BTN3A2: variants seen among roughly 807,000 people sequenced by gnomAD.
The protein encoded by BTN3A2 is butyrophilin subfamily 3 member A2.
A neutral mutation model predicts 37.6 loss-of-function variants in BTN3A2; 25 were observed. The ratio of observed to expected loss-of-function variants is 0.66; its 90% confidence interval spans 0.48 to 0.93. BTN3A2 has a LOEUF of 0.93. BTN3A2 is among the 40% of genes least tolerant of loss of function. The probability of loss-of-function intolerance (pLI) is 0.00; values close to 1 mark genes in which losing one functional copy is unlikely to be tolerated. For synonymous variants in BTN3A2, 122 were observed against 159.4 expected (o/e 0.77, Z 1.77); for missense variants, 266 against 410.9 (o/e 0.65, Z 3.05).
chr6:26,377,757 C>T lies in BTN3A2; in HGVS notation c.*1995C>T, dbSNP rs546540325. The T allele has an allele frequency of 6.1e-6, 1 of 164,704 alleles. No individual in the cohort carries two copies. Among genetic ancestry groups the T allele is most frequent in the African/African-American group, 2.4e-5 (1 of 41,712 alleles). The allele number at this position is 164,704 out of a possible 1,614,324, so 10.2% of individuals were successfully genotyped here. A position where few individuals can be genotyped will look rare whatever the true frequency, so the allele number is the denominator to read the frequency against. On this transcript the variant is annotated 3_prime_UTR_variant, in exon 11 of 11. Transcript: ENST00000377708. ...TCCCTTCCCAGGACAGCTCCAGGAT[C>T]GAGATCACTGTGAGTGGTTGTGGAG...
chr6:26,365,516 G>GTGTA (rs70977273), intron 1 of BTN3A2, among the ~76,000 whole-genome samples, 164 bp downstream of exon 1: 1 of 138,758 alleles, frequency 7.2e-6, no homozygotes, highest in African/African-American at 2.6e-5. Flanking sequence ...GTGTGTGTGT[G>GTGTA]TACATGTGTA....
Position 26,376,096 on chromosome 6 carries a change from C to T in BTN3A2, c.*334C>T. On this transcript the variant is annotated 3_prime_UTR_variant, in exon 11 of 11. Transcript: ENST00000377708. ...GGCATGGTGACGGGCACCTGTAGTC[C>T]CAGCTACTCGGGAGGCTGAGGCAGG... 1 of 308,342 alleles carries T rather than the reference C, an allele frequency of 3.2e-6. No homozygotes were observed. Among genetic ancestry groups the T allele is most frequent in the Non-Finnish European group, 6.1e-6 (1 of 164,408 alleles). 19.1% of individuals were successfully genotyped at this position (308,342 alleles called of 1,614,324 possible). A position where few individuals can be genotyped will look rare whatever the true frequency, so the allele number is the denominator to read the frequency against.
At position 26,368,669 on chromosome 6, in the gene BTN3A2, G is replaced by A. The variant is rs1301412314; in HGVS notation, c.190G>A (p.Glu64Lys). ...CCCGACCATGAGTGCAGAGACCATG[G>A]AGCTGAAGTGGGTAAGTTCCAGCCT... ...LFPTMSAETMELKWVSSSLRQ... is the reference protein window; with the variant it reads ...LFPTMSAETMKLKWVSSSLRQ... The change falls in exon 4 of 11, where the codon GAG becomes AAG. Residue 64 changes from glutamate to lysine, a missense_variant. Physicochemically the swap from Glu to Lys is moderately conservative, Grantham distance 56. Around this residue, in one of 3 missense-constraint regions of BTN3A2, gnomAD observed 47 missense variants for 77.3 expected, o/e 0.61. Transcript: ENST00000377708. 6.2e-7 allele frequency: 1 copy of A among 1,614,078 alleles called. No homozygotes were observed. Among genetic ancestry groups the A allele is most frequent in the Admixed American group, 1.7e-5 (1 of 60,028 alleles).
At chr6:26,367,669 G>A (rs572059920) in intron 1 of BTN3A2, among the ~76,000 whole-genome samples, 2 of 152,300 alleles carry the variant, frequency 1.3e-5, no homozygotes, top group African/African-American at 4.8e-5. Context: ...AACGTGGTGG[G>A]TTCAGCCCCT....
rs539682398 is a variant in BTN3A2 at position 26,368,198 on chromosome 6, T to A, written c.16T>A (p.Ser6Thr). 11 of 1,614,202 alleles carry A rather than the reference T, an allele frequency of 6.8e-6. No individual in the cohort carries two copies. In the South Asian group the frequency reaches 7.7e-5, roughly 11 times the overall value. The change falls in exon 3 of 11, where the codon TCC becomes ACC. Residue 6 changes from serine to threonine, a missense_variant. Physicochemically the swap from Ser to Thr is moderately conservative, Grantham distance 58 (BLOSUM62 1). This residue lies in a region of BTN3A2 where 47 missense variants were observed against 77.3 expected (regional missense o/e 0.61). Coordinates refer to ENST00000377708, the MANE Select transcript of BTN3A2 (RefSeq NM_007047.5). Reference protein sequence around the residue: MKMASSLAFLLLNFHV... With the variant: MKMASTLAFLLLNFHV... ...TGCAGCATAGATGAAAATGGCAAGT[T>A]CCCTGGCTTTCCTTCTGCTCAACTT... is the stretch of plus-strand genomic sequence containing the variant.
chr6:26,366,816 G>T (rs577321674), intron 1 of BTN3A2, among the ~76,000 whole-genome samples: 4 of 152,162 alleles, frequency 2.6e-5, no homozygotes, highest in Non-Finnish European at 5.9e-5. Flanking sequence ...ATGGCTGCAG[G>T]CCTCATGCTC....
In BTN3A2 at chr6:26,373,079, C is replaced by A. The variant is rs146618645; in HGVS notation, c.898C>A (p.Arg300=). The A allele has an allele frequency of 1.2e-6, 2 of 1,613,918 alleles. No homozygotes were observed. The highest frequency in any genetic ancestry group is 1.7e-6 in the Non-Finnish European group (2 of 1,180,014). The change falls in exon 6 of 11, where the codon CGG becomes AGG. Residue 300 remains arginine, a synonymous_variant. Coordinates refer to ENST00000377708, the MANE Select transcript of BTN3A2 (RefSeq NM_007047.5). ...AGAAATGGGATATGCTGCAACAGAG[C>A]GGGAAATAAGCCTAAGAGGTATCCA... ...MKEMGYAATE[R]EISLRESLQE...
intron 5 of BTN3A2, 144 bp downstream of exon 5, chr6:26,370,747 AGGG>A: frequency 7.2e-6 from 10 of 1,395,692 alleles, no homozygotes; most frequent in Non-Finnish European, 9.6e-6. Context: ...TCTTTGTGCC[AGGG>A]GAGCTTCTTT....
chr6:26,373,527 A>G, intron 8 of BTN3A2, 114 bp downstream of exon 8: 1 of 1,175,878 alleles, frequency 8.5e-7, no homozygotes, highest in East Asian at 2.8e-5. Flanking sequence ...GGATCCCTTT[A>G]CCCAGAAAAA....
At chr6:26,374,428 C>T in intron 9 of BTN3A2, 55 bp downstream of exon 9, 1 of 1,533,296 alleles carries the variant, frequency 6.5e-7, no homozygotes. Flanking sequence ...CCACTGTGAC[C>T]CGTGGATGTT....
chr6:26,374,747 T>C, intron 9 of BTN3A2, 24 bp from the exon 10 acceptor site: 1 of 1,525,778 alleles, frequency 6.6e-7, no homozygotes, highest in Non-Finnish European at 9.1e-7. Flanking sequence ...GACCTTTTTC[T>C]TATCTGTGTC....
In BTN3A2 at chr6:26,372,797, C is replaced by T. The variant is rs1760243400; in HGVS notation, c.716-100C>T. 2.1e-5 allele frequency: 30 copies of T among 1,407,180 alleles called. 1 individual carries two copies. The highest frequency in any genetic ancestry group is 2.5e-4 in the Middle Eastern group (1 of 3,992). 87.2% of individuals were successfully genotyped at this position (1,407,180 alleles called of 1,614,324 possible). On this transcript the variant is annotated intron_variant, in intron 5 of 10. Coordinates refer to ENST00000377708, the MANE Select transcript of BTN3A2 (RefSeq NM_007047.5). ...TTATTTAACCTCATGAGATAGATTC[C>T]CCACCCCCGACCTGAGCTGAGCAGC...
In BTN3A2 at chr6:26,370,621, C is replaced by T; in HGVS notation, c.715+18C>T. The T allele has an allele frequency of 1.2e-6, 2 of 1,613,264 alleles. No individual in the cohort carries two copies. Among genetic ancestry groups the T allele is most frequent in the Non-Finnish European group, 1.7e-6 (2 of 1,179,344 alleles). On this transcript the variant is annotated intron_variant, in intron 5 of 10. Coordinates refer to ENST00000377708, the MANE Select transcript of BTN3A2 (RefSeq NM_007047.5). Reference sequence around the variant, plus strand: ...CATCGCAGGTCAGTACCTGCTTGGCCTCAGGTTTTCTGAGCTGAGCTGTGG... The same window carrying T: ...CATCGCAGGTCAGTACCTGCTTGGCTTCAGGTTTTCTGAGCTGAGCTGTGG...
chr6:26,376,432 T>G lies in BTN3A2; in HGVS notation c.*670T>G. 1.5e-6 allele frequency: 1 copy of G among 666,910 alleles called. No homozygotes were observed. Among genetic ancestry groups the G allele is most frequent in the Non-Finnish European group, 2.2e-6 (1 of 454,604 alleles). The allele number at this position is 666,910 out of a possible 1,614,324, so 41.3% of individuals were successfully genotyped here. A position where few individuals can be genotyped will look rare whatever the true frequency, so the allele number is the denominator to read the frequency against. ...CTGGGGCTTTCACCAATGACATTGA[T>G]GAGAGAATCACATTCAGGGCAGGCT... On this transcript the variant is annotated 3_prime_UTR_variant, in exon 11 of 11. Transcript: ENST00000377708.
Position 26,373,047 on chromosome 6 carries a change from A to C in BTN3A2, c.866A>C (p.Glu289Ala). ...ALSSEIESEQEMKEMGYAATE... is the reference protein window; with the variant it reads ...ALSSEIESEQAMKEMGYAATE... The stretch of plus-strand genomic sequence containing the variant: ...TCCAGTGAGATAGAAAGTGAGCAAG[A>C]GATGAAAGAAATGGGATATGCTGCA... Residue 289 changes from glutamate to alanine, a missense_variant, in exon 6 of 11, where the codon GAG (glutamate) becomes GCG (alanine). This residue lies in a region of BTN3A2 where 204 missense variants were observed against 232.6 expected (regional missense o/e 0.88). Transcript: ENST00000377708. The C allele has an allele frequency of 6.2e-7, 1 of 1,614,234 alleles. No homozygotes were observed. Among genetic ancestry groups the C allele is most frequent in the South Asian group, 1.1e-5 (1 of 91,092 alleles).
At chr6:26,372,362 T>C (rs1171604487) in intron 5 of BTN3A2, among the ~76,000 whole-genome samples, 2 of 152,182 alleles carry the variant, frequency 1.3e-5, no homozygotes, top group Non-Finnish European at 2.9e-5. Context: ...ATAGGTATTA[T>C]CATTACCCTC....
chr6:26,368,072 A>C, intron 2 of BTN3A2, 22 bp downstream of exon 2: 1 of 1,574,920 alleles, frequency 6.3e-7, no homozygotes, highest in Non-Finnish European at 8.6e-7. Flanking sequence ...TTCGGTCACC[A>C]TATTTGAGTT....
chr6:26,376,961 T>C lies in BTN3A2; in HGVS notation c.*1199T>C. The C allele has an allele frequency of 1.3e-6, 2 of 1,584,270 alleles. No homozygotes were observed. The highest frequency in any genetic ancestry group is 2.2e-5 in the East Asian group (1 of 44,690). ...TGGGGGTCATCCTGGACTATGAGACTGGACATATCTCGTTCTACAATGCCA... is the reference window on the plus strand; with the variant it reads ...TGGGGGTCATCCTGGACTATGAGACCGGACATATCTCGTTCTACAATGCCA... On this transcript the variant is annotated 3_prime_UTR_variant, in exon 11 of 11. Transcript: ENST00000377708.
At position 26,377,025 on chromosome 6, in the gene BTN3A2, T is replaced by C. The variant is rs957476873; in HGVS notation, c.*1263T>C. The C allele has an allele frequency of 8.5e-5, 119 of 1,405,118 alleles. 2 individuals are homozygous for C. Among genetic ancestry groups the C allele is most frequent in the Middle Eastern group, 3.6e-4 (2 of 5,626 alleles). The allele number at this position is 1,405,118 out of a possible 1,614,324, so 87.0% of individuals were successfully genotyped here. ...TATCTACACATTTCTGCACGCCTCTTCCTCTGAGCCTCTGTATCCTGTATT... is the reference window on the plus strand; with the variant it reads ...TATCTACACATTTCTGCACGCCTCTCCCTCTGAGCCTCTGTATCCTGTATT... On this transcript the variant is annotated 3_prime_UTR_variant, in exon 11 of 11. Transcript: ENST00000377708.
Sources: gnomAD v4.1 joint callset for allele counts (sites outside exome capture counted in the v4.1 genomes callset) on GRCh38, gnomAD v4.1.1 for gene constraint, gnomAD v4.1.1 regional missense constraint, MANE v1.5 for transcripts, NCBI Gene and HGNC (gene_info 2026-07-23, HGNC 2026-07-21) for gene names.